The following PCDHA3 variants were observed in gnomAD, a reference collection of about 807,000 sequenced individuals.
The protein encoded by PCDHA3 is protocadherin alpha-3.
PCDHA3 carries 41 observed loss-of-function variants against 62.2 expected under a neutral mutation model. The observed-to-expected ratio is 0.66, with a 90% confidence interval of 0.51 to 0.86. The LOEUF (loss-of-function observed/expected upper bound fraction) is 0.86, where lower values mean the gene tolerates loss of function less well. Among genes scored for constraint, PCDHA3 ranks in the 40% least tolerant of loss-of-function variants. The pLI is 0.00. For synonymous variants in PCDHA3, 640 were observed against 555.4 expected, an observed-to-expected ratio of 1.15 and a Z score of -2.14; for missense variants, 1,304 against 1,241.2, an observed-to-expected ratio of 1.05 and a Z score of -0.76.
At chr5:140,858,419 G>C (rs2045401110) in intron 1 of PCDHA3, 1 of 1,559,254 alleles carries the variant, frequency 6.4e-7, no homozygotes. Flanking sequence ...GTCTATTGGA[G>C]GGGACCACTC....
intron 1 of PCDHA3, among the ~76,000 whole-genome samples, chr5:140,914,381 T>C (rs192645626): frequency 1.7e-4 from 26 of 152,352 alleles, no homozygotes; most frequent in Admixed American, 2.6e-4. Flanking sequence ...TTATCTGTTA[T>C]AAGTGTAGTT....
intron 1 of PCDHA3, among the ~76,000 whole-genome samples, chr5:140,935,894 C>CTT (rs55841305): frequency 0.3 from 41,439 of 136,538 alleles, 6,640 homozygotes; most frequent in East Asian, 0.49. Context: ...TCAATATTAT[C>CTT]TTTTTTTTTT....
intron 1 of PCDHA3, among the ~76,000 whole-genome samples, chr5:140,915,602 C>T (rs1298727977): frequency 6.6e-6 from 1 of 151,066 alleles, no homozygotes; most frequent in Non-Finnish European, 1.5e-5. Context: ...TTTTCCCTTA[C>T]TTTCTGTCAA....
chr5:141,003,520 C>G (rs1171208921), intron 3 of PCDHA3, among the ~76,000 whole-genome samples: 2 of 152,244 alleles, frequency 1.3e-5, no homozygotes, highest in Middle Eastern at 3.4e-3. Flanking sequence ...ACCATGTTCC[C>G]TAGGCTGGTC....
At chr5:140,834,318 A>T in intron 1 of PCDHA3, 1 of 1,413,328 alleles carries the variant, frequency 7.1e-7, no homozygotes, top group South Asian at 1.4e-5. Context: ...AAATGAAGGG[A>T]TAAAAACATT....
rs144914662 is a variant in PCDHA3, at chr5:140,807,597, A to C, written c.2394+4006A>C. 2,181 of 1,614,208 alleles carry C rather than the reference A, an allele frequency of 1.4e-3. 2 individuals carry two copies. Among genetic ancestry groups the C allele is most frequent in the Non-Finnish European group, 1.8e-3 (2,092 of 1,180,038 alleles). On this transcript the variant is annotated intron_variant, in intron 1 of 3. Coordinates refer to ENST00000522353, the MANE Select transcript of PCDHA3 (RefSeq NM_018906.3). ...AACCCGCCGGTGTTCCCAGCAACAC[A>C]AAAGAACCTGTCCATCGCGGAATCC...
rs1763804438 is a variant in PCDHA3 at position 140,806,866 on chromosome 5, T to A, written c.2394+3275T>A. The A allele has an allele frequency of 8.0e-6, 3 of 374,924 alleles. No homozygotes were observed. In the South Asian group the frequency reaches 1.1e-4, roughly 14 times the overall value. 23.2% of individuals were successfully genotyped at this position (374,924 alleles called of 1,614,324 possible). Reference sequence around the variant, plus strand: ...CTCAATCAATCAGTGGTACAATGTGTACCACAGTAGTACAAAATGTATTCC... The same window carrying A: ...CTCAATCAATCAGTGGTACAATGTGAACCACAGTAGTACAAAATGTATTCC... On this transcript the variant is annotated intron_variant, in intron 1 of 3. Coordinates refer to ENST00000522353, the MANE Select transcript of PCDHA3 (RefSeq NM_018906.3).
chr5:140,843,244 C>T, intron 1 of PCDHA3: 1 of 1,596,022 alleles, frequency 6.3e-7, no homozygotes, highest in Non-Finnish European at 8.6e-7. Context: ...ACGAAGCGGA[C>T]TCTCCGCGCC....
At position 140,858,138 on chromosome 5, in the gene PCDHA3, A is replaced by T. The variant is rs577433161; in HGVS notation, c.2394+54547A>T. On this transcript the variant is annotated intron_variant, in intron 1 of 3. Coordinates refer to ENST00000522353, the MANE Select transcript of PCDHA3 (RefSeq NM_018906.3). ...GTGGCCCTGGTGGATGTCAACGTGT[A>T]CCTGATCATCGCCATCTGCGCGGTG... 43 of 1,597,514 alleles carry T rather than the reference A, an allele frequency of 2.7e-5. 1 individual carries two copies. The African/African-American group carries it at 5.5e-4, about 20-fold the overall frequency.
chr5:140,841,385 G>C, intron 1 of PCDHA3: 2 of 1,613,440 alleles, frequency 1.2e-6, no homozygotes, highest in Non-Finnish European at 1.7e-6. Context: ...TCTGCTCCTC[G>C]CAGCCTGGAA....
chr5:140,850,233 A>C lies in PCDHA3; in HGVS notation c.2394+46642A>C, dbSNP rs2150474794. The C allele has an allele frequency of 2.5e-6, 4 of 1,593,908 alleles. No individual in the cohort carries two copies. In the South Asian group the frequency reaches 4.4e-5, roughly 18 times the overall value. On this transcript the variant is annotated intron_variant, in intron 1 of 3. Transcript: ENST00000522353. The stretch of plus-strand genomic sequence containing the variant: ...GGGCACTGACGGCGCAGTGAGCGAG[A>C]TGGTGCTGCGGTCGGTGGGCGCCGG...
At chr5:140,836,639 G>A in intron 1 of PCDHA3, 1 of 1,613,412 alleles carries the variant, frequency 6.2e-7, no homozygotes. Context: ...CATTCTCCCA[G>A]CAGAGGCGGC....
intron 1 of PCDHA3, chr5:140,967,874 C>T: frequency 6.2e-7 from 1 of 1,614,132 alleles, no homozygotes; most frequent in Non-Finnish European, 8.5e-7. Context: ...GCTCACGGAC[C>T]TGTATAGCCC....
At chr5:140,938,187 C>A (rs1584944424) in intron 1 of PCDHA3, among the ~76,000 whole-genome samples, 1 of 152,276 alleles carries the variant, frequency 6.6e-6, no homozygotes, top group Non-Finnish European at 1.5e-5. Context: ...CTCAAGCAAT[C>A]CTCCCACGCC....
rs781889029 is a variant in PCDHA3 at position 140,870,331 on chromosome 5, AGCGCCCTGGACC to A, written c.2394+66744_2394+66755del. The A allele has an allele frequency of 4.3e-6, 7 of 1,614,160 alleles. No homozygotes were observed. The South Asian group carries it at 7.7e-5, about 18-fold the overall frequency. Reference sequence around the variant, plus strand: ...GAATTACTACTCGTTGGTGCTGGACAGCGCCCTGGACCGCGAGAACGTGTGGGCCTATGAACT... The same window carrying A: ...GAATTACTACTCGTTGGTGCTGGACAGCGAGAACGTGTGGGCCTATGAACT... On this transcript the variant is annotated intron_variant, in intron 1 of 3. Coordinates refer to ENST00000522353, the MANE Select transcript of PCDHA3 (RefSeq NM_018906.3).
intron 1 of PCDHA3, chr5:140,926,257 C>T (rs888723043): frequency 5.2e-5 from 8 of 152,418 alleles, no homozygotes; most frequent in African/African-American, 1.4e-4. Context: ...ACCGTCCCGC[C>T]TCTCGCCGCC....
At chr5:140,881,304 C>T (rs1011967816) in intron 1 of PCDHA3, 1 of 965,928 alleles carries the variant, frequency 1.0e-6, no homozygotes, top group South Asian at 4.8e-5. Flanking sequence ...AAACTTTAAC[C>T]TCCTGGTTAA....
At chr5:140,857,246 T>C in intron 1 of PCDHA3, 1 of 1,598,642 alleles carries the variant, frequency 6.3e-7, no homozygotes, top group Non-Finnish European at 8.6e-7. Context: ...GGTGTCCACC[T>C]ACAAGAATTA....
chr5:140,999,523 C>T (rs115576128), intron 3 of PCDHA3, among the ~76,000 whole-genome samples: 1 of 152,026 alleles, frequency 6.6e-6, no homozygotes, highest in Non-Finnish European at 1.5e-5. Context: ...CATTTTGTTA[C>T]CCCCTGGATA....
Sources: gnomAD v4.1 joint callset for allele counts (sites outside exome capture counted in the v4.1 genomes callset) on GRCh38, gnomAD v4.1.1 for gene constraint, MANE v1.5 for transcripts, NCBI Gene and HGNC (gene_info 2026-07-23, HGNC 2026-07-21) for gene names.